The following CSMD1 variants were observed in gnomAD, a reference collection of about 807,000 sequenced individuals.
CSMD1 encodes CUB and sushi domain-containing protein 1.
Under a neutral mutation model 417.5 loss-of-function variants are expected in CSMD1, and 213 were observed. The ratio of observed to expected loss-of-function variants is 0.51; its 90% CI spans 0.46 to 0.57. CSMD1 has a LOEUF of 0.57. Among genes scored for constraint, CSMD1 ranks in the 20% least tolerant of loss-of-function variants. CSMD1 has a pLI of 0.00. For synonymous variants in CSMD1, 2,862 were observed against 1,736.8 expected, an observed-to-expected ratio of 1.65 and a Z score of -16.11; for missense variants, 6,923 against 4,529.7, an observed-to-expected ratio of 1.53 and a Z score of -15.17.
chr8:4,988,797 C>G (rs1348905940), intron 1 of CSMD1, among the ~76,000 whole-genome samples: 2 of 152,232 alleles, frequency 1.3e-5, no homozygotes, highest in Admixed American at 6.5e-5. Context: ...CTGTTTCACA[C>G]TCTGCATCCA....
intron 53 of CSMD1, 132 bp from the exon 54 acceptor site, chr8:2,998,316 C>G: frequency 3.8e-6 from 3 of 799,566 alleles, no homozygotes; most frequent in South Asian, 1.8e-5. Flanking sequence ...AGGCAGCTTA[C>G]AGATGGTATT....
At chr8:3,632,518 A>G (rs1441913806) in intron 7 of CSMD1, among the ~76,000 whole-genome samples, 1 of 152,196 alleles carries the variant, frequency 6.6e-6, no homozygotes, top group African/African-American at 2.4e-5. Flanking sequence ...TGGGCGTTGA[A>G]GATGAGTATT....
At position 4,838,280 on chromosome 8, in the gene CSMD1, G is replaced by A. The variant is rs372955838; in HGVS notation, c.85+156052C>T. On this transcript the variant is annotated intron_variant, in intron 1 of 69. Coordinates refer to ENST00000635120, the MANE Select transcript of CSMD1 (RefSeq NM_033225.6). ...CTGAGCAAGTAGTGTCAAAGTGTCA[G>A]GAGACGTCAGTCACTGTGCTAACGT... Among the ~76,000 whole-genome samples, 499 of 152,290 alleles carry A rather than the reference G, an allele frequency of 3.3e-3. 4 individuals carry two copies. The highest frequency in any genetic ancestry group is 0.012 in the African/African-American group (481 of 41,560).
chr8:3,528,519 C>G (rs1271160088), intron 10 of CSMD1, among the ~76,000 whole-genome samples: 2 of 152,154 alleles, frequency 1.3e-5, no homozygotes, highest in Admixed American at 1.3e-4. Context: ...GGCTCTTCTT[C>G]CTGATAATCA....
In CSMD1 at chr8:3,795,053, T is replaced by TAGCTATAGATACATATCTATCATGTAC. The variant is rs1563086873; in HGVS notation, c.819-41012_819-41011insGTACATGATAGATATGTATCTATAGCT. Among the ~76,000 whole-genome samples the TAGCTATAGATACATATCTATCATGTAC allele has an allele frequency of 4.8e-5, 7 of 146,810 alleles. 1 individual carries two copies. The highest frequency in any genetic ancestry group is 7.4e-5 in the Non-Finnish European group (5 of 67,404). ...GCTATAGATACATATCTATCATGTA[T>TAGCTATAGATACATATCTATCATGTAC]AGCTATAGATATATATCTATCATGT... On this transcript the variant is annotated intron_variant, in intron 5 of 69. Coordinates refer to ENST00000635120, the MANE Select transcript of CSMD1 (RefSeq NM_033225.6).
intron 37 of CSMD1, among the ~76,000 whole-genome samples, chr8:3,168,959 G>A (rs187906796): frequency 2.0e-5 from 3 of 152,122 alleles, no homozygotes; most frequent in Non-Finnish European, 2.9e-5. Context: ...AATTATATTA[G>A]CATTTTACTG....
At chr8:2,970,391 GAGTGTC>G (rs1488549195) in intron 57 of CSMD1, among the ~76,000 whole-genome samples, 1 of 152,126 alleles carries the variant, frequency 6.6e-6, no homozygotes, top group African/African-American at 2.4e-5. Flanking sequence ...CACTTTCTGG[GAGTGTC>G]AGAGTCTCTG....
chr8:3,937,508 G>A lies in CSMD1; in HGVS notation c.818+60395C>T, dbSNP rs565079747. Among the ~76,000 whole-genome samples, 79 of 152,192 alleles carry A rather than the reference G, an allele frequency of 5.2e-4. No individual in the cohort carries two copies. In the South Asian group the frequency reaches 0.016, roughly 31 times the overall value. On this transcript the variant is annotated intron_variant, in intron 5 of 69. Coordinates refer to ENST00000635120, the MANE Select transcript of CSMD1 (RefSeq NM_033225.6). ...GCAAAAAGATGATGAGTCATTGAAG[G>A]TTTAGATGATTGTACATGTTTTTAA... is the stretch of plus-strand genomic sequence containing the variant.
intron 1 of CSMD1, among the ~76,000 whole-genome samples, chr8:4,731,818 A>C (rs563587096): frequency 7.2e-5 from 11 of 152,196 alleles, no homozygotes; most frequent in African/African-American, 2.6e-4. Flanking sequence ...AACAACTCAC[A>C]GTGTTTTTCT....
rs1397943447 is a variant in CSMD1 at position 3,359,308 on chromosome 8, C to T, written c.3148G>A (p.Val1050Ile). The change falls in exon 21 of 70, where the codon GTC becomes ATC. Residue 1050 changes from valine (V) to isoleucine (I), a missense_variant. Transcript: ENST00000635120. Reference protein sequence around the residue: ...YDLEPCDDPGVPAFSRRIGFH... With the variant: ...YDLEPCDDPGIPAFSRRIGFH... ...CCAATTCTTCGGCTGAAGGCAGGGA[C>T]TCCAGGATCATCACATGGCTCCAGG... is the stretch of plus-strand genomic sequence containing the variant. 1.2e-6 allele frequency: 2 copies of T among 1,613,562 alleles called. No individual in the cohort carries two copies. Among genetic ancestry groups the T allele is most frequent in the Non-Finnish European group, 1.7e-6 (2 of 1,179,828 alleles).
At chr8:3,762,634 A>G (rs1250224240) in intron 5 of CSMD1, among the ~76,000 whole-genome samples, 3 of 152,170 alleles carry the variant, frequency 2.0e-5, no homozygotes, top group African/African-American at 4.8e-5. Flanking sequence ...TTGTCTGTGG[A>G]AGGTATAATC....
chr8:3,601,934 T>C (rs1801380179), intron 8 of CSMD1, among the ~76,000 whole-genome samples: 1 of 152,142 alleles, frequency 6.6e-6, no homozygotes, highest in African/African-American at 2.4e-5. Flanking sequence ...ATTCTGTCTA[T>C]AGTGATCACG....
At chr8:2,992,744 C>T (rs1052367560) in intron 54 of CSMD1, among the ~76,000 whole-genome samples, 1 of 150,978 alleles carries the variant, frequency 6.6e-6, no homozygotes, top group Non-Finnish European at 1.5e-5. Flanking sequence ...TAGTTTTATG[C>T]CATCTGATTT....
intron 7 of CSMD1, among the ~76,000 whole-genome samples, chr8:3,646,174 G>A (rs1295707831): frequency 1.3e-5 from 2 of 151,678 alleles, no homozygotes; most frequent in Non-Finnish European, 2.9e-5. Flanking sequence ...TGAAAAAGGT[G>A]AACAAAAATA....
chr8:3,797,092 T>C (rs772190604), intron 5 of CSMD1, among the ~76,000 whole-genome samples: 4 of 151,926 alleles, frequency 2.6e-5, no homozygotes, highest in Non-Finnish European at 4.4e-5. Context: ...TCTCCTTTAA[T>C]GGGTGAACAT....
intron 5 of CSMD1, among the ~76,000 whole-genome samples, chr8:3,760,960 T>C (rs78322367): frequency 6.3e-5 from 9 of 142,088 alleles, no homozygotes; most frequent in Non-Finnish European, 1.1e-4. Context: ...ATGTGCTTTT[T>C]CTTTTTTTTT....
At chr8:3,846,243 A>G (rs1468970768) in intron 5 of CSMD1, among the ~76,000 whole-genome samples, 1 of 152,200 alleles carries the variant, frequency 6.6e-6, no homozygotes, top group South Asian at 2.1e-4. Context: ...AGATACGTCC[A>G]CAATGCACCA....
intron 3 of CSMD1, among the ~76,000 whole-genome samples, chr8:4,181,190 T>C (rs561056466): frequency 1.8e-4 from 28 of 152,226 alleles, no homozygotes; most frequent in Middle Eastern, 3.4e-3. Context: ...ATTGAATAAA[T>C]AGACATCCCA....
intron 5 of CSMD1, among the ~76,000 whole-genome samples, chr8:3,785,136 A>C (rs560663163): frequency 1.3e-5 from 2 of 152,276 alleles, no homozygotes; most frequent in Non-Finnish European, 2.9e-5. Flanking sequence ...ATGTTGGGTA[A>C]GTTCTTTAAC....
Sources: allele counts gnomAD v4.1 joint callset (sites outside exome capture counted in the v4.1 genomes callset), GRCh38; gene constraint gnomAD v4.1.1; transcripts MANE v1.5; gene names NCBI Gene and HGNC (gene_info 2026-07-23, HGNC 2026-07-21).